Variants in HUWE1 observed in about 807,000 individuals in gnomAD.
HUWE1 encodes HECT, UBA and WWE domain containing E3 ubiquitin protein ligase 1.
Under a neutral mutation model 299.4 loss-of-function variants are expected in HUWE1, and 18 were observed. The observed-to-expected ratio is 0.06, with a 90% CI of 0.04 to 0.09. The LOEUF (loss-of-function observed/expected upper bound fraction) is 0.09, where lower values mean the gene tolerates loss of function less well. HUWE1 is among the 10% of genes least tolerant of loss of function. The pLI is 1.00. For synonymous variants in HUWE1, 1,317 were observed against 1,286.1 expected (o/e 1.02, Z -0.51); for missense variants, 1,832 against 3,462.3 (o/e 0.53, Z 11.82).
At chrX:53,637,615 C>T (rs1557027387) in intron 7 of HUWE1, among the ~76,000 whole-genome samples, 1 of 112,575 alleles carries the variant, frequency 8.9e-6, no homozygotes, top group Admixed American at 9.4e-5. Context: ...TGATAAAAAA[C>T]AAGCACCTTT....
chrX:53,587,002 G>T, intron 37 of HUWE1, 93 bp from the exon 38 acceptor site: 1 of 970,025 alleles, frequency 1.0e-6, no homozygotes. Context: ...GGAACATAAG[G>T]GTAAATAATA....
intron 17 of HUWE1, 143 bp downstream of exon 17, chrX:53,627,267 T>C: frequency 1.0e-5 from 4 of 396,374 alleles, no homozygotes; most frequent in Non-Finnish European, 1.8e-5. Context: ...GCAAATCACT[T>C]ACATAGAAAA....
chrX:53,665,933 T>C (rs782130966), intron 3 of HUWE1, among the ~76,000 whole-genome samples: 1 of 111,142 alleles, frequency 9.0e-6, no homozygotes, highest in East Asian at 2.8e-4. Flanking sequence ...GGAGGATCAC[T>C]TGAGGCCAGG....
chrX:53,584,408 G>A (rs782239188), intron 40 of HUWE1, 63 bp from the exon 41 acceptor site: 14 of 936,224 alleles, frequency 1.5e-5, no homozygotes, highest in African/African-American at 2.0e-5. Flanking sequence ...GGTGGGGGAG[G>A]GGAGGGACAT....
intron 2 of HUWE1, chrX:53,683,845 T>TA (rs1557054507): frequency 1.1e-5 from 2 of 190,080 alleles, no homozygotes; most frequent in East Asian, 1.7e-4. Context: ...CCCTAGTCAC[T>TA]GCCCCCCCAC....
chrX:53,642,250 G>A (rs2067649399), intron 7 of HUWE1, among the ~76,000 whole-genome samples: 1 of 111,903 alleles, frequency 8.9e-6, no homozygotes, highest in Non-Finnish European at 1.9e-5. Flanking sequence ...AACTTTTGAT[G>A]TCTGTTAATT....
At chrX:53,679,447 CAG>C (rs782465926) in intron 3 of HUWE1, among the ~76,000 whole-genome samples, 4 of 111,739 alleles carry the variant, frequency 3.6e-5, no homozygotes, top group Admixed American at 9.5e-5. Context: ...ATAAATATGA[CAG>C]GGATTTATTC....
intron 6 of HUWE1, 44 bp from the exon 7 acceptor site, chrX:53,645,507 C>A: frequency 1.7e-6 from 2 of 1,175,489 alleles, no homozygotes; most frequent in Non-Finnish European, 2.3e-6. Context: ...TCAGGCACAA[C>A]TGGCCTTGAA....
chrX:53,631,786 T>TAGGAA, intron 9 of HUWE1, 172 bp from the exon 10 acceptor site: 3 of 450,903 alleles, frequency 6.7e-6, no homozygotes, highest in Non-Finnish European at 1.2e-5. Flanking sequence ...ACATCCATCT[T>TAGGAA]ATATGTAGAA....
At chrX:53,603,301 C>T in intron 27 of HUWE1, 67 bp downstream of exon 27, 1 of 1,124,707 alleles carries the variant, frequency 8.9e-7, no homozygotes, top group Non-Finnish European at 1.2e-6. Context: ...TATCCCCAAC[C>T]AAAGCAATCC....
At position 53,611,857 on chromosome X, in the gene HUWE1, C is replaced by CAA. The variant is rs781834430; in HGVS notation, c.2261+2675_2261+2676dup. Among the ~76,000 whole-genome samples the CAA allele has an allele frequency of 3.8e-3, 278 of 74,040 alleles. 2 individuals are homozygous for CAA. The highest frequency in any genetic ancestry group is 0.013 in the African/African-American group (264 of 19,913). 64.3% of individuals were successfully genotyped at this position (74,040 alleles called of 115,157 possible). On this transcript the variant is annotated intron_variant, in intron 23 of 83. Coordinates refer to ENST00000262854, the MANE Select transcript of HUWE1 (RefSeq NM_031407.7). ...TGGGTGATGTAGTGAGACTCTGTCT[C>CAA]AAAAAAAAAAAAATAAATAAATAAA... is the stretch of plus-strand genomic sequence containing the variant.
At position 53,600,222 on chromosome X, in the gene HUWE1, G is replaced by A; in HGVS notation, c.3059C>T (p.Ala1020Val). Residue 1020 changes from alanine to valine, a missense_variant, in exon 29 of 84, where the codon GCT (alanine) becomes GTT (valine). Ala to Val is a moderately conservative substitution (Grantham distance 64). Around this residue, in one of 15 missense-constraint regions of HUWE1, gnomAD observed 658 missense variants for 1,282.6 expected, o/e 0.51. Transcript: ENST00000262854. ...EGIGLDGDTLAPMETDEPTAS... is the reference protein window; with the variant it reads ...EGIGLDGDTLVPMETDEPTAS... ...AGTAGGTTCATCTGTCTCCATGGGA[G>A]CCAATGTGTCACCATCTAGCCCAAT... The A allele has an allele frequency of 8.3e-7, 1 of 1,208,317 alleles. No homozygotes were observed.
At chrX:53,620,019 C>T (rs992441072) in intron 19 of HUWE1, among the ~76,000 whole-genome samples, 1 of 111,649 alleles carries the variant, frequency 9.0e-6, no homozygotes, top group African/African-American at 3.3e-5. Flanking sequence ...TTTATTGGGC[C>T]ACTGCCCCAA....
chrX:53,651,260 T>C (rs1458379064), intron 4 of HUWE1, among the ~76,000 whole-genome samples: 3 of 109,194 alleles, frequency 2.7e-5, no homozygotes, highest in Non-Finnish European at 5.7e-5. Flanking sequence ...ATCACCACAA[T>C]CCAGGTAATA....
intron 27 of HUWE1, among the ~76,000 whole-genome samples, chrX:53,602,944 G>T (rs1263956056): frequency 9.3e-6 from 1 of 107,007 alleles, no homozygotes; most frequent in African/African-American, 3.4e-5. Flanking sequence ...CTCCACCTCC[G>T]GGGTTCAAGC....
chrX:53,578,694 C>CT (rs1556962639), intron 43 of HUWE1, among the ~76,000 whole-genome samples: 1 of 81,629 alleles, frequency 1.2e-5, no homozygotes, highest in African/African-American at 4.8e-5. Context: ...ATCAGCCCCC[C>CT]GCCTGGCCAG....
chrX:53,538,299 T>A (rs781996897), intron 77 of HUWE1, 38 bp downstream of exon 77: 1 of 984,788 alleles, frequency 1.0e-6, no homozygotes, highest in African/African-American at 1.9e-5. Context: ...TGGGGAGTTC[T>A]CACCACCCCT....
chrX:53,581,147 G>A (rs2148244158), intron 42 of HUWE1, 121 bp from the exon 43 acceptor site: 1 of 593,751 alleles, frequency 1.7e-6, no homozygotes, highest in East Asian at 3.6e-5. Context: ...TTATTTTTAA[G>A]TCCCGTCCCA....
rs2061924223 is a variant in HUWE1, at chrX:53,554,793, T to C, written c.8334A>G (p.Pro2778=). ...SQQQPTLPTP[P]ALGEVPQELQ... ...GCTCCTGAGGAACCTCTCCCAAAGC[T>C]GGTGGGGTTGGGAGTGTTGGTTGCT... The change falls in exon 61 of 84, where the codon CCA becomes CCG. Residue 2778 remains proline (P), a synonymous_variant. Transcript: ENST00000262854. 6 of 1,211,352 alleles carry C rather than the reference T, an allele frequency of 5.0e-6. No individual in the cohort carries two copies. The East Asian group carries it at 1.8e-4, about 36-fold the overall frequency.
Sources: allele counts gnomAD v4.1 joint callset (sites outside exome capture counted in the v4.1 genomes callset), GRCh38; gene constraint gnomAD v4.1.1; regional missense constraint gnomAD v4.1.1; transcripts MANE v1.5; gene names NCBI Gene and HGNC (gene_info 2026-07-23, HGNC 2026-07-21).